PTGES3: variants seen among roughly 807,000 people sequenced by gnomAD.
PTGES3 encodes the protein Hsp90 co-chaperone.
Under a neutral mutation model 29.9 loss-of-function variants are expected in PTGES3, and 5 were observed. That is an observed-to-expected ratio of 0.17 (90% confidence interval 0.09 to 0.35). PTGES3 has a LOEUF of 0.35. Among genes scored for constraint, PTGES3 ranks in the 10% least tolerant of loss-of-function variants. PTGES3 has a pLI of 1.00. For missense variants in PTGES3, 128 were observed against 190.0 expected, an observed-to-expected ratio of 0.67 and a Z score of 1.92; for synonymous variants, 49 against 57.8, an observed-to-expected ratio of 0.85 and a Z score of 0.69.
At chr12:56,670,561 G>A (rs1951963694) in intron 4 of PTGES3, 197 bp from the exon 5 acceptor site, 1 of 543,090 alleles carries the variant, frequency 1.8e-6, no homozygotes, top group Admixed American at 3.1e-5. Flanking sequence ...CTGACCAAGG[G>A]TCTTGTTTAC....
intron 3 of PTGES3, 48 bp downstream of exon 3, chr12:56,672,692 C>T (rs1269361713): frequency 6.7e-7 from 1 of 1,498,550 alleles, no homozygotes; most frequent in Non-Finnish European, 8.9e-7. Context: ...CTTGGTATGT[C>T]TGTTTCCTCA....
At chr12:56,677,359 G>T (rs932709388) in intron 1 of PTGES3, among the ~76,000 whole-genome samples, 4 of 152,090 alleles carry the variant, frequency 2.6e-5, no homozygotes, top group Admixed American at 2.0e-4. Flanking sequence ...TAGGACAGAG[G>T]TTCACAAGCC....
intron 5 of PTGES3, among the ~76,000 whole-genome samples, chr12:56,669,627 T>A (rs572096485): frequency 2.0e-5 from 3 of 151,914 alleles, no homozygotes; most frequent in East Asian, 1.9e-4. Flanking sequence ...ATTTATTTAT[T>A]TATTTGACCG....
chr12:56,668,721 T>C (rs1951877428), intron 5 of PTGES3, among the ~76,000 whole-genome samples: 1 of 152,236 alleles, frequency 6.6e-6, no homozygotes, highest in Admixed American at 6.5e-5. Flanking sequence ...GCTGGAAACT[T>C]AGCTCCTTTT....
At chr12:56,680,121 G>C (rs1198527048) in intron 1 of PTGES3, among the ~76,000 whole-genome samples, 9 of 150,232 alleles carry the variant, frequency 6.0e-5, no homozygotes, top group Non-Finnish European at 1.3e-4. Flanking sequence ...GCCCAGGCTG[G>C]AGTGCAATGG....
chr12:56,669,098 C>T (rs1951897973), intron 5 of PTGES3, among the ~76,000 whole-genome samples: 2 of 150,578 alleles, frequency 1.3e-5, no homozygotes, highest in South Asian at 2.1e-4. Context: ...CAACCTCTAC[C>T]TCCTGGGTTC....
chr12:56,672,643 T>G, intron 3 of PTGES3, 97 bp downstream of exon 3: 2 of 1,350,060 alleles, frequency 1.5e-6, no homozygotes, highest in East Asian at 5.0e-5. Context: ...GCCTCACTGT[T>G]AAGAAAAACA....
Position 56,671,747 on chromosome 12 carries a change from A to AC in PTGES3, c.285+1dup. 1 of 1,518,184 alleles carries AC rather than the reference A, an allele frequency of 6.6e-7. No homozygotes were observed. 94.0% of individuals were successfully genotyped at this position (1,518,184 alleles called of 1,614,324 possible). ...TTTTCAAAAAAGGAAAATGAAACCT[A>AC]CCTTTGCCCTTTCTTTTGTTAACCT... On this transcript the variant is annotated splice_donor_variant, in intron 4 of 7. Coordinates refer to ENST00000262033, the MANE Select transcript of PTGES3 (RefSeq NM_006601.7). LOFTEE classifies it high-confidence loss of function.
intron 4 of PTGES3, 74 bp from the exon 5 acceptor site, chr12:56,670,438 C>T (rs1243848852): frequency 8.9e-6 from 10 of 1,119,046 alleles, no homozygotes; most frequent in Non-Finnish European, 1.4e-5. Flanking sequence ...ACTACGTTTT[C>T]TTTTCTTCTA....
Position 56,670,006 on chromosome 12 carries a change from A to G in PTGES3, c.375+269T>C, listed in dbSNP as rs1261768334. On this transcript the variant is annotated intron_variant, in intron 5 of 7. Transcript: ENST00000262033. ...AAAAAAAAGTCCCAATGATGAAATTAGCAAACTAGCTGTGTTAGTTTGTCT... is the reference window on the plus strand; with the variant it reads ...AAAAAAAAGTCCCAATGATGAAATTGGCAAACTAGCTGTGTTAGTTTGTCT... Among the ~76,000 whole-genome samples the G allele has an allele frequency of 2.0e-5, 3 of 150,086 alleles. No homozygotes were observed. The East Asian group carries it at 5.9e-4, about 29-fold the overall frequency.
intron 1 of PTGES3, among the ~76,000 whole-genome samples, chr12:56,683,428 G>A (rs1372124564): frequency 8.0e-6 from 1 of 125,726 alleles, no homozygotes. Flanking sequence ...AGCCGAGACC[G>A]TGACATTGCA....
intron 1 of PTGES3, chr12:56,687,028 AAAC>A: frequency 2.7e-6 from 1 of 371,882 alleles, no homozygotes; most frequent in Non-Finnish European, 4.7e-6. Flanking sequence ...AAAAAAAAAA[AAAC>A]CCTGTAAAAC....
In PTGES3 at chr12:56,664,391, G is replaced by C; in HGVS notation, c.*88C>G. On this transcript the variant is annotated 3_prime_UTR_variant, in exon 8 of 8. Transcript: ENST00000262033. ...GGCAAATACAGCATATCTGCCTTTA[G>C]AGCTATCAACTCAGGAATTCTCTCA... The C allele has an allele frequency of 6.8e-7, 1 of 1,464,542 alleles. No individual in the cohort carries two copies. Among genetic ancestry groups the C allele is most frequent in the Non-Finnish European group, 9.4e-7 (1 of 1,063,922 alleles). The allele number at this position is 1,464,542 out of a possible 1,614,324, so 90.7% of individuals were successfully genotyped here.
At chr12:56,684,822 TGA>T (rs901775697) in intron 1 of PTGES3, among the ~76,000 whole-genome samples, 32 of 152,170 alleles carry the variant, frequency 2.1e-4, no homozygotes, top group Non-Finnish European at 2.9e-4. Context: ...ATGTAAATTA[TGA>T]GACAAACTTT....
rs1238058854 is a variant in PTGES3, at chr12:56,663,868, C to A, written c.*611G>T. The A allele has an allele frequency of 6.5e-6, 1 of 152,734 alleles. No homozygotes were observed. The highest frequency in any genetic ancestry group is 1.5e-5 in the Non-Finnish European group (1 of 68,152). The allele number at this position is 152,734 out of a possible 1,614,324, so 9.5% of individuals were successfully genotyped here. On this transcript the variant is annotated 3_prime_UTR_variant, in exon 8 of 8. Transcript: ENST00000262033. ...TAAAAGCTTAAGGGTCAAACAATAC[C>A]AATTGTATAGGCTTCAAAAACCATC...
chr12:56,669,969 T>TAAA (rs5798391), intron 5 of PTGES3, among the ~76,000 whole-genome samples: 2 of 133,472 alleles, frequency 1.5e-5, no homozygotes, highest in Admixed American at 7.8e-5. Context: ...AATCATGCTT[T>TAAA]AAAAAAAAAA....
intron 1 of PTGES3, among the ~76,000 whole-genome samples, chr12:56,679,140 G>T (rs1221290417): frequency 1.3e-5 from 2 of 151,984 alleles, no homozygotes; most frequent in Non-Finnish European, 2.9e-5. Flanking sequence ...GACCAGGAGT[G>T]ATGGCTCACA....
At chr12:56,687,407 TG>T (rs1406268119) in intron 1 of PTGES3, 3 of 987,370 alleles carry the variant, frequency 3.0e-6, no homozygotes, top group African/African-American at 1.7e-5. Flanking sequence ...GGAGGCGGAC[TG>T]GAAGTACCCA....
chr12:56,677,298 A>G (rs1210803416), intron 1 of PTGES3, among the ~76,000 whole-genome samples: 1 of 152,022 alleles, frequency 6.6e-6, no homozygotes, highest in Non-Finnish European at 1.5e-5. Context: ...TACCTTGAAC[A>G]GCTTTCACCT....
Sources: gnomAD v4.1 joint callset for allele counts (sites outside exome capture counted in the v4.1 genomes callset) on GRCh38, gnomAD v4.1.1 for gene constraint, MANE v1.5 for transcripts, NCBI Gene and HGNC (gene_info 2026-07-23, HGNC 2026-07-21) for gene names.